SERPINE2: variants seen among roughly 807,000 people sequenced by gnomAD.
SERPINE2 encodes the protein glia-derived nexin.
A neutral mutation model predicts 36.3 loss-of-function variants in SERPINE2; 14 were observed. That is an observed-to-expected ratio of 0.39 (90% confidence interval 0.25 to 0.60). SERPINE2 has a LOEUF of 0.60. Ranked by LOEUF, SERPINE2 falls within the 20% of genes least tolerant of loss-of-function variation. SERPINE2 has a pLI of 0.57. For synonymous variants in SERPINE2, 192 were observed against 191.8 expected, an observed-to-expected ratio of 1.00 and a Z score of -0.01; for missense variants, 418 against 499.6, an observed-to-expected ratio of 0.84 and a Z score of 1.56.
intron 1 of SERPINE2, chr2:224,030,751 CAG>C (rs1692335885): frequency 6.4e-6 from 1 of 156,178 alleles, no homozygotes; most frequent in South Asian, 2.0e-4. Flanking sequence ...AAATCGCAAA[CAG>C]AGTTCAATTA....
chr2:223,999,144 T>C (rs939178767), intron 2 of SERPINE2, among the ~76,000 whole-genome samples: 3 of 152,194 alleles, frequency 2.0e-5, no homozygotes, highest in Non-Finnish European at 4.4e-5. Context: ...AGAAAGACTA[T>C]AAAAAATTAC....
intron 1 of SERPINE2, among the ~76,000 whole-genome samples, chr2:224,011,909 C>T (rs2106180235): frequency 6.6e-6 from 1 of 152,300 alleles, no homozygotes; most frequent in South Asian, 2.1e-4. Context: ...TGACCTTTTA[C>T]CAGCTTTGTG....
At chr2:223,987,479 C>T (rs1000032376) in intron 4 of SERPINE2, among the ~76,000 whole-genome samples, 4 of 152,176 alleles carry the variant, frequency 2.6e-5, no homozygotes, top group African/African-American at 9.6e-5. Flanking sequence ...AAATCCCCTA[C>T]CCGATGCTCT....
intron 1 of SERPINE2, among the ~76,000 whole-genome samples, chr2:224,017,558 G>T (rs1157615235): frequency 6.6e-6 from 1 of 152,094 alleles, no homozygotes; most frequent in Non-Finnish European, 1.5e-5. Context: ...ATTAACAAAA[G>T]GATTTAGGAC....
At chr2:224,031,293 A>C in intron 1 of SERPINE2, 1 of 985,264 alleles carries the variant, frequency 1.0e-6, no homozygotes, top group Non-Finnish European at 1.2e-6. Flanking sequence ...TGGACCCTTT[A>C]TCTCTGCCAC....
At position 223,985,813 on chromosome 2, in the gene SERPINE2, A is replaced by G. The variant is rs1230650962; in HGVS notation, c.686-863T>C. On this transcript the variant is annotated intron_variant, in intron 4 of 8. Transcript: ENST00000409304. The stretch of plus-strand genomic sequence containing the variant: ...GCCCTATTCACTCTTCACCCATTCC[A>G]GTAATCACCACTGGAGTTTTAGATA... Among the ~76,000 whole-genome samples, 4 of 152,212 alleles carry G rather than the reference A, an allele frequency of 2.6e-5. No individual in the cohort carries two copies. The East Asian group carries it at 7.7e-4, about 29-fold the overall frequency.
intron 1 of SERPINE2, chr2:224,031,354 G>A: frequency 1.0e-6 from 1 of 985,408 alleles, no homozygotes; most frequent in African/African-American, 1.7e-5. Flanking sequence ...ATCTAGCTGA[G>A]AGGCAGGCAC....
intron 8 of SERPINE2, among the ~76,000 whole-genome samples, chr2:223,976,425 T>TAC (rs1023218694): frequency 2.0e-5 from 3 of 152,180 alleles, no homozygotes; most frequent in African/African-American, 7.2e-5. Context: ...GTGCTGGGAT[T>TAC]ACAGGCATAA....
intron 3 of SERPINE2, among the ~76,000 whole-genome samples, chr2:223,996,250 A>G (rs1690884283): frequency 2.6e-5 from 4 of 152,174 alleles, no homozygotes; most frequent in Admixed American, 2.6e-4. Flanking sequence ...TCACAGTCAC[A>G]CAGCCTCCAG....
intron 4 of SERPINE2, among the ~76,000 whole-genome samples, chr2:223,989,011 ATACT>A (rs919096324): frequency 4.9e-4 from 75 of 152,344 alleles, no homozygotes; most frequent in African/African-American, 1.7e-3. Context: ...GACAAACTTG[ATACT>A]TAATAGGGAA....
chr2:224,027,129 G>T (rs1424843396), intron 1 of SERPINE2, among the ~76,000 whole-genome samples: 1 of 152,158 alleles, frequency 6.6e-6, no homozygotes, highest in East Asian at 1.9e-4. Flanking sequence ...GCACAAAGTA[G>T]TAACTGACAC....
intron 1 of SERPINE2, chr2:224,031,415 A>C (rs1212069242): frequency 1.2e-5 from 12 of 985,454 alleles, no homozygotes; most frequent in Non-Finnish European, 1.4e-5. Flanking sequence ...AACAGAAAGA[A>C]AGGCAGCTGG....
chr2:223,998,163 C>G lies in SERPINE2; in HGVS notation c.439G>C (p.Ala147Pro). 3.7e-6 allele frequency: 6 copies of G among 1,614,234 alleles called. No homozygotes were observed. Among genetic ancestry groups the G allele is most frequent in the Non-Finnish European group, 5.1e-6 (6 of 1,180,050 alleles). The change falls in exon 3 of 9, where the codon GCC becomes CCC. Residue 147 changes from alanine to proline, a missense_variant. By Grantham distance (27) the Ala-to-Pro change is conservative (BLOSUM62 -1). Coordinates refer to ENST00000409304, the MANE Select transcript of SERPINE2 (RefSeq NM_001136528.2). ...GCATTGATGGAATCACAGGCAGAGGCTGGATCCTCAAAGTTCACATTCCGG... is the reference window on the plus strand; with the variant it reads ...GCATTGATGGAATCACAGGCAGAGGGTGGATCCTCAAAGTTCACATTCCGG... The part of the protein sequence containing the change: ...EVRNVNFEDP[A>P]SACDSINAWV...
At position 223,998,475 on chromosome 2, in the gene SERPINE2, T is replaced by G. The variant is rs1234006100; in HGVS notation, c.260-133A>C. 1.1e-5 allele frequency: 7 copies of G among 647,510 alleles called. No individual in the cohort carries two copies. The East Asian group carries it at 1.9e-4, about 18-fold the overall frequency. The allele number at this position is 647,510 out of a possible 1,614,324, so 40.1% of individuals were successfully genotyped here. On this transcript the variant is annotated intron_variant, in intron 2 of 8. Transcript: ENST00000409304. ...GCTCACACCTGTAATCCCAGCAATTTGAGAGGCTGAGGTGGGTGGATTGCT... is the reference window on the plus strand; with the variant it reads ...GCTCACACCTGTAATCCCAGCAATTGGAGAGGCTGAGGTGGGTGGATTGCT...
chr2:223,999,405 CAG>C (rs1485419018), intron 2 of SERPINE2, among the ~76,000 whole-genome samples: 15 of 152,162 alleles, frequency 9.9e-5, no homozygotes, highest in African/African-American at 3.1e-4. Context: ...AACATCCTGC[CAG>C]AGTCACCTTG....
intron 6 of SERPINE2, chr2:223,982,160 T>C (rs1196541473): frequency 6.6e-6 from 1 of 152,434 alleles, no homozygotes; most frequent in East Asian, 1.9e-4. Context: ...TGAAATAATA[T>C]CTTTTGCAGC....
At chr2:224,019,770 A>ATT (rs1261601893) in intron 1 of SERPINE2, among the ~76,000 whole-genome samples, 9 of 129,282 alleles carry the variant, frequency 7.0e-5, no homozygotes, top group Non-Finnish European at 9.5e-5. Context: ...TTTTTTAAAA[A>ATT]AAAAAAAAGA....
At chr2:223,976,023 G>T in intron 8 of SERPINE2, 119 bp from the exon 9 acceptor site, 1 of 808,750 alleles carries the variant, frequency 1.2e-6, no homozygotes, top group Non-Finnish European at 1.9e-6. Context: ...GCTCAGTAGT[G>T]TCCAGTATAA....
chr2:224,002,642 G>C (rs966361507), intron 1 of SERPINE2, among the ~76,000 whole-genome samples: 1 of 147,184 alleles, frequency 6.8e-6, no homozygotes, highest in Non-Finnish European at 1.5e-5. Flanking sequence ...ACAAGTGTGC[G>C]CCAACTCGTC....
Sources: gnomAD v4.1 joint callset for allele counts (sites outside exome capture counted in the v4.1 genomes callset) on GRCh38, gnomAD v4.1.1 for gene constraint, MANE v1.5 for transcripts, NCBI Gene and HGNC (gene_info 2026-07-23, HGNC 2026-07-21) for gene names.